EYA2: variants seen among roughly 807,000 people sequenced by gnomAD.
The protein encoded by EYA2 is protein phosphatase EYA2.
EYA2 carries 31 observed loss-of-function variants against 69.2 expected under a neutral mutation model. That is an observed-to-expected ratio of 0.45 (90% CI 0.34 to 0.60). The LOEUF is 0.60. EYA2 is among the 20% of genes least tolerant of loss of function. The pLI is 0.02. For missense variants in EYA2, 622 were observed against 701.2 expected (o/e 0.89, Z 1.28); for synonymous variants, 257 against 279.4 (o/e 0.92, Z 0.80).
chr20:47,080,460 AG>A (rs2031671561), intron 7 of EYA2, among the ~76,000 whole-genome samples: 1 of 42,830 alleles, frequency 2.3e-5, no homozygotes, highest in Admixed American at 3.5e-4. Context: ...GAGGGAAATG[AG>A]GGAGGGAGGG....
intron 5 of EYA2, among the ~76,000 whole-genome samples, chr20:47,047,635 C>T (rs1294579804): frequency 6.6e-6 from 1 of 152,196 alleles, no homozygotes; most frequent in Non-Finnish European, 1.5e-5. Context: ...AATCCACCTG[C>T]CTCAGCCTCC....
At chr20:46,959,092 T>C (rs748458749) in intron 1 of EYA2, among the ~76,000 whole-genome samples, 32 of 152,216 alleles carry the variant, frequency 2.1e-4, no homozygotes, top group Non-Finnish European at 3.5e-4. Flanking sequence ...GTTATTTCTG[T>C]CTTTAGGACT....
chr20:46,939,042 T>C (rs1007306649), intron 1 of EYA2, among the ~76,000 whole-genome samples: 1 of 152,138 alleles, frequency 6.6e-6, no homozygotes, highest in African/African-American at 2.4e-5. Flanking sequence ...ACAGGTTGAT[T>C]GCCCTTTTGG....
At chr20:47,060,592 G>C (rs1421126570) in intron 5 of EYA2, among the ~76,000 whole-genome samples, 1 of 152,248 alleles carries the variant, frequency 6.6e-6, no homozygotes, top group African/African-American at 2.4e-5. Context: ...AATCAGGCAT[G>C]CCTGTTGGGA....
At chr20:47,015,484 G>C (rs770715101) in intron 4 of EYA2, among the ~76,000 whole-genome samples, 3 of 152,228 alleles carry the variant, frequency 2.0e-5, no homozygotes, top group Admixed American at 6.5e-5. Flanking sequence ...GCAGAGGAAG[G>C]GTGGTTCATT....
intron 5 of EYA2, among the ~76,000 whole-genome samples, chr20:47,039,658 C>T (rs956735855): frequency 1.4e-4 from 21 of 152,198 alleles, no homozygotes; most frequent in South Asian, 2.1e-4. Flanking sequence ...ATTCTCAATT[C>T]TCTTTTTTCT....
At chr20:47,026,931 C>G (rs1984123945) in intron 5 of EYA2, among the ~76,000 whole-genome samples, 1 of 152,240 alleles carries the variant, frequency 6.6e-6, no homozygotes, top group Non-Finnish European at 1.5e-5. Context: ...GATATACACT[C>G]TCTTTGAAAC....
At chr20:46,975,760 C>A (rs1436360977) in intron 1 of EYA2, among the ~76,000 whole-genome samples, 1 of 152,124 alleles carries the variant, frequency 6.6e-6, no homozygotes, top group Admixed American at 6.5e-5. Flanking sequence ...ACTGAAAATA[C>A]AAAAATTAGC....
intron 8 of EYA2, 103 bp from the exon 9 acceptor site, chr20:47,096,982 T>G: frequency 1.2e-6 from 1 of 836,894 alleles, no homozygotes; most frequent in Non-Finnish European, 2.0e-6. Flanking sequence ...AAGATAATGT[T>G]TTTCGAGACT....
chr20:47,145,205 A>G (rs1279647532), intron 10 of EYA2, among the ~76,000 whole-genome samples: 1 of 151,064 alleles, frequency 6.6e-6, no homozygotes, highest in South Asian at 2.1e-4. Context: ...AGAACAAGTG[A>G]TGGGGATGGA....
intron 10 of EYA2, among the ~76,000 whole-genome samples, chr20:47,143,905 CAAAGT>C (rs2033650060): frequency 6.6e-6 from 1 of 152,074 alleles, no homozygotes; most frequent in Non-Finnish European, 1.5e-5. Flanking sequence ...TCCTGGTAGC[CAAAGT>C]AAAGAGGGAA....
At chr20:47,024,145 T>C (rs962349203) in intron 5 of EYA2, among the ~76,000 whole-genome samples, 7 of 152,228 alleles carry the variant, frequency 4.6e-5, no homozygotes, top group Non-Finnish European at 1.0e-4. Flanking sequence ...TAAGTTTCAA[T>C]TGGATGCCAA....
chr20:46,962,295 G>A (rs919473336), intron 1 of EYA2, among the ~76,000 whole-genome samples: 1 of 152,096 alleles, frequency 6.6e-6, no homozygotes, highest in African/African-American at 2.4e-5. Flanking sequence ...CCAAAGTTTT[G>A]GAATTACAGG....
intron 9 of EYA2, among the ~76,000 whole-genome samples, chr20:47,106,410 T>C (rs542945799): frequency 6.6e-6 from 1 of 152,258 alleles, no homozygotes; most frequent in South Asian, 2.1e-4. Context: ...TGAAATAGAA[T>C]TTTGGTTTTC....
chr20:46,980,315 C>T (rs893583375), intron 1 of EYA2, among the ~76,000 whole-genome samples: 1 of 152,170 alleles, frequency 6.6e-6, no homozygotes, highest in African/African-American at 2.4e-5. Flanking sequence ...GTAAACTAAG[C>T]AATATAATTA....
intron 10 of EYA2, among the ~76,000 whole-genome samples, chr20:47,164,903 C>T (rs758019033): frequency 6.6e-5 from 10 of 152,178 alleles, no homozygotes; most frequent in Non-Finnish European, 1.0e-4. Flanking sequence ...GATATGTCTC[C>T]AGGCCAGTTT....
At chr20:47,180,773 T>C in intron 13 of EYA2, 42 bp from the exon 14 acceptor site, 1 of 1,604,290 alleles carries the variant, frequency 6.2e-7, no homozygotes, top group East Asian at 2.2e-5. Flanking sequence ...CCTGGCCTTG[T>C]GGTCCCTCTG....
intron 9 of EYA2, among the ~76,000 whole-genome samples, chr20:47,116,555 G>A (rs372117009): frequency 4.6e-5 from 7 of 152,152 alleles, no homozygotes; most frequent in Admixed American, 2.6e-4. Flanking sequence ...CATTATTCCC[G>A]TAGCACTCTG....
intron 12 of EYA2, among the ~76,000 whole-genome samples, chr20:47,174,358 A>G (rs2034387669): frequency 1.3e-5 from 2 of 152,208 alleles, no homozygotes; most frequent in African/African-American, 2.4e-5. Context: ...CTTTAAATCT[A>G]TGAAATGGAG....
Sources: gnomAD v4.1 joint callset for allele counts (sites outside exome capture counted in the v4.1 genomes callset) on GRCh38, gnomAD v4.1.1 for gene constraint, MANE v1.5 for transcripts, NCBI Gene and HGNC (gene_info 2026-07-23, HGNC 2026-07-21) for gene names.